The following LIFR variants were observed in gnomAD, a reference collection of about 807,000 sequenced individuals.
LIFR encodes leukemia inhibitory factor receptor.
Under a neutral mutation model 122.2 loss-of-function variants are expected in LIFR, and 84 were observed. The ratio of observed to expected loss-of-function variants is 0.69; its 90% confidence interval spans 0.58 to 0.82. The LOEUF is 0.82. Among genes scored for constraint, LIFR ranks in the 40% least tolerant of loss-of-function variants. The pLI is 0.00. For synonymous variants in LIFR, 422 were observed against 434.7 expected, an observed-to-expected ratio of 0.97 and a Z score of 0.36; for missense variants, 1,294 against 1,311.6, an observed-to-expected ratio of 0.99 and a Z score of 0.21.
intron 16 of LIFR, among the ~76,000 whole-genome samples, chr5:38,487,681 T>C (rs898255986): frequency 2.6e-5 from 4 of 152,220 alleles, no homozygotes; most frequent in Non-Finnish European, 4.4e-5. Flanking sequence ...TGAACTCATC[T>C]ATTTTCAGAC....
rs1561121062 is a variant in LIFR, at chr5:38,477,593, A to G, written c.*4002T>C. ...ACACTTAAAATTATGGAGAAATAAG[A>G]TATCTAGTGATATACAGGCATGAGT... On this transcript the variant is annotated 3_prime_UTR_variant, in exon 20 of 20. Coordinates refer to ENST00000453190, the MANE Select transcript of LIFR (RefSeq NM_001127671.2). The G allele has an allele frequency of 9.4e-6, 2 of 212,532 alleles. No individual in the cohort carries two copies. The highest frequency in any genetic ancestry group is 1.9e-4 in the South Asian group (1 of 5,346). 13.2% of individuals were successfully genotyped at this position (212,532 alleles called of 1,614,324 possible). A position where few individuals can be genotyped will look rare whatever the true frequency, so the allele number is the denominator to read the frequency against.
intron 5 of LIFR, among the ~76,000 whole-genome samples, chr5:38,517,844 A>AAG (rs1383085697): frequency 7.2e-6 from 1 of 139,156 alleles, no homozygotes; most frequent in Non-Finnish European, 1.5e-5. Context: ...GCAACAGAGC[A>AAG]AGACACTGTC....
At chr5:38,579,463 G>A (rs1281353353) in intron 1 of LIFR, 1 of 152,056 alleles carries the variant, frequency 6.6e-6, no homozygotes, top group African/African-American at 2.4e-5. Context: ...AAAAAAGAGG[G>A]GAGTCTATGT....
In LIFR at chr5:38,549,701, G is replaced by C. The variant is rs182643640; in HGVS notation, c.-20+6633C>G. 5.6e-3 allele frequency among the ~76,000 whole-genome samples: 851 copies of C among 152,320 alleles called. 5 individuals are homozygous for C. Among genetic ancestry groups the C allele is most frequent in the Non-Finnish European group, 9.2e-3 (629 of 68,036 alleles). On this transcript the variant is annotated intron_variant, in intron 1 of 19. Coordinates refer to ENST00000453190, the MANE Select transcript of LIFR (RefSeq NM_001127671.2). ...AGCTACTTGGGAGGCTGAGGCAGGA[G>C]AATGGTGTGAACCCAGGAGGCGGAG...
chr5:38,489,337 T>C (rs1330687803), intron 15 of LIFR, 92 bp from the exon 16 acceptor site: 3 of 1,015,804 alleles, frequency 3.0e-6, no homozygotes, highest in Admixed American at 3.9e-5. Context: ...TCAAAAATAA[T>C]TCAACTTGGA....
At chr5:38,555,719 TG>T (rs1381074453) in intron 1 of LIFR, among the ~76,000 whole-genome samples, 1 of 128,678 alleles carries the variant, frequency 7.8e-6, no homozygotes, top group African/African-American at 2.8e-5. Context: ...ATGTGGGGGG[TG>T]GGGGGCAAAA....
At chr5:38,509,415 A>G (rs1428633094) in intron 7 of LIFR, among the ~76,000 whole-genome samples, 1 of 152,168 alleles carries the variant, frequency 6.6e-6, no homozygotes, top group Admixed American at 6.5e-5. Context: ...GCAGACAAAA[A>G]GAGAGTCAGA....
chr5:38,598,822 G>A (rs148969778), upstream of LIFR, among the ~76,000 whole-genome samples: 127 of 152,234 alleles, frequency 8.3e-4, 3 homozygotes, highest in African/African-American at 2.8e-3. Flanking sequence ...TTCCTTGTCC[G>A]TAAGGAACTC....
chr5:38,499,565 T>A lies in LIFR; in HGVS notation c.1619A>T (p.Asp540Val). 1 of 1,608,138 alleles carries A rather than the reference T, an allele frequency of 6.2e-7. No individual in the cohort carries two copies. Among genetic ancestry groups the A allele is most frequent in the South Asian group, 1.1e-5 (1 of 90,922 alleles). ...TTEASPSKGP[D>V]TWREWSSDGK... The stretch of plus-strand genomic sequence containing the variant: ...ATCAGAACTCCACTCTCTCCAAGTA[T>A]CAGGCCCCTTTGAAGGACCTAAAAA... Residue 540 changes from aspartate to valine, a missense_variant, in exon 12 of 20, where the codon GAT (aspartate) becomes GTT (valine). Physicochemically the swap from Asp to Val is radical, Grantham distance 152. Coordinates refer to ENST00000453190, the MANE Select transcript of LIFR (RefSeq NM_001127671.2).
upstream of LIFR, chr5:38,559,126 T>G (rs1748734997): frequency 6.6e-6 from 1 of 152,282 alleles, no homozygotes; most frequent in African/African-American, 2.4e-5. Context: ...CGAAAGTTTA[T>G]GCTGTGTGAG....
chr5:38,546,464 G>C (rs1262316211), intron 1 of LIFR, among the ~76,000 whole-genome samples: 1 of 152,144 alleles, frequency 6.6e-6, no homozygotes, highest in African/African-American at 2.4e-5. Flanking sequence ...TTGCAAAATG[G>C]AGTGTTTAAA....
At chr5:38,490,622 C>G (rs548296480) in intron 14 of LIFR, 1 of 164,646 alleles carries the variant, frequency 6.1e-6, no homozygotes, top group African/African-American at 2.5e-5. Context: ...TTTTCTTTGA[C>G]GGAGTCTTGC....
intron 1 of LIFR, among the ~76,000 whole-genome samples, chr5:38,535,534 T>A (rs1171603345): frequency 6.6e-6 from 1 of 152,166 alleles, no homozygotes; most frequent in Non-Finnish European, 1.5e-5. Context: ...GCTGAGTGGC[T>A]AGGATAGAGA....
chr5:38,496,271 C>T, intron 13 of LIFR, 111 bp downstream of exon 13: 1 of 864,796 alleles, frequency 1.2e-6, no homozygotes. Flanking sequence ...TCTAGGTCAG[C>T]AGCAACAAGG....
intron 1 of LIFR, among the ~76,000 whole-genome samples, chr5:38,545,560 T>C (rs1747835322): frequency 6.6e-6 from 1 of 151,838 alleles, no homozygotes; most frequent in South Asian, 2.1e-4. Context: ...GCTACTTATG[T>C]TTAAAAAAAT....
chr5:38,596,282 C>G (rs1750096475), upstream of LIFR, among the ~76,000 whole-genome samples: 1 of 152,196 alleles, frequency 6.6e-6, no homozygotes, highest in Non-Finnish European at 1.5e-5. Context: ...CACTCTAGAC[C>G]AAGTGAATCT....
At chr5:38,510,401 A>G in intron 7 of LIFR, 63 bp downstream of exon 7, 1 of 1,492,238 alleles carries the variant, frequency 6.7e-7, no homozygotes, top group Non-Finnish European at 9.3e-7. Flanking sequence ...CAGAAGAATT[A>G]AGGCTTTCAA....
intron 7 of LIFR, 66 bp from the exon 8 acceptor site, chr5:38,506,698 A>G: frequency 7.3e-7 from 1 of 1,362,048 alleles, no homozygotes; most frequent in African/African-American, 1.4e-5. Context: ...AATATTTTAT[A>G]AACGTCAATG....
chr5:38,510,684 T>C lies in LIFR; in HGVS notation c.771A>G (p.Gln257=), dbSNP rs1745752939. Residue 257 remains glutamine (Q), a synonymous_variant, in exon 7 of 20, where the codon CAA becomes CAG. Coordinates refer to ENST00000453190, the MANE Select transcript of LIFR (RefSeq NM_001127671.2). ...IPDSQTKVFP[Q]DKVILVGSDI... ...CTGAGCCTACAAGTATCACTTTATCTTGAGGAAAAACCTTAGTCTGAGAAT... is the reference window on the plus strand; with the variant it reads ...CTGAGCCTACAAGTATCACTTTATCCTGAGGAAAAACCTTAGTCTGAGAAT... 1 of 1,613,496 alleles carries C rather than the reference T, an allele frequency of 6.2e-7. No individual in the cohort carries two copies. Among genetic ancestry groups the C allele is most frequent in the African/African-American group, 1.3e-5 (1 of 75,024 alleles).
Sources: gnomAD v4.1 joint callset for allele counts (sites outside exome capture counted in the v4.1 genomes callset) on GRCh38, gnomAD v4.1.1 for gene constraint, MANE v1.5 for transcripts, NCBI Gene and HGNC (gene_info 2026-07-23, HGNC 2026-07-21) for gene names.